GRID2IP: variants seen among roughly 807,000 people sequenced by gnomAD.
GRID2IP encodes Grid2 interacting protein.
Under a neutral mutation model 114.3 loss-of-function variants are expected in GRID2IP, and 78 were observed. That is an observed-to-expected ratio of 0.68 (90% confidence interval 0.57 to 0.82). The LOEUF (loss-of-function observed/expected upper bound fraction) is 0.82, where lower values mean the gene tolerates loss of function less well. GRID2IP is among the 40% of genes least tolerant of loss of function. The pLI is 0.00. For synonymous variants in GRID2IP, 809 were observed against 724.0 expected (o/e 1.12, Z -1.89); for missense variants, 1,727 against 1,678.5 (o/e 1.03, Z -0.51).
intron 1 of GRID2IP, among the ~76,000 whole-genome samples, chr7:6,549,608 A>C (rs1445433071): frequency 1.3e-5 from 2 of 151,874 alleles, no homozygotes; most frequent in African/African-American, 2.4e-5. Context: ...ATTCTTTTAC[A>C]TTTTTTTGGA....
At chr7:6,550,905 A>G (rs1779963233) in intron 1 of GRID2IP, 103 bp downstream of exon 1, 2 of 1,168,624 alleles carry the variant, frequency 1.7e-6, no homozygotes, top group East Asian at 3.6e-5. Context: ...TGACCCCAGA[A>G]GTTTCCTTAC....
intron 8 of GRID2IP, 24 bp downstream of exon 8, chr7:6,514,347 GGGAA>G (rs1471198203): frequency 6.8e-7 from 1 of 1,472,332 alleles, no homozygotes; most frequent in African/African-American, 1.4e-5. Flanking sequence ...GCTGCAGGCA[GGGAA>G]GTGGCAGGGG....
chr7:6,503,338 T>C (rs1786472098), intron 16 of GRID2IP, among the ~76,000 whole-genome samples, 153 bp downstream of exon 16: 2 of 152,200 alleles, frequency 1.3e-5, no homozygotes, highest in African/African-American at 4.8e-5. Flanking sequence ...GGACCCCTGA[T>C]AGGACCCGGC....
At chr7:6,514,281 C>G in intron 8 of GRID2IP, 94 bp downstream of exon 8, 2 of 1,151,120 alleles carry the variant, frequency 1.7e-6, no homozygotes. Flanking sequence ...AAACAAACAC[C>G]TTCACATGTG....
intron 1 of GRID2IP, among the ~76,000 whole-genome samples, chr7:6,546,511 G>A (rs991281333): frequency 6.6e-6 from 1 of 150,402 alleles, no homozygotes; most frequent in Non-Finnish European, 1.5e-5. Flanking sequence ...GGAGGTTGCA[G>A]TGAGCCAAGA....
intron 15 of GRID2IP, among the ~76,000 whole-genome samples, chr7:6,503,937 G>C (rs1224969012): frequency 6.6e-6 from 1 of 151,606 alleles, no homozygotes; most frequent in Admixed American, 6.6e-5. Flanking sequence ...AAAAAGGAAA[G>C]GGGGCGGGGC....
At chr7:6,517,179 C>G (rs1402242941) in intron 7 of GRID2IP, among the ~76,000 whole-genome samples, 1 of 151,866 alleles carries the variant, frequency 6.6e-6, no homozygotes, top group South Asian at 2.1e-4. Flanking sequence ...CTCAGCCTCC[C>G]GAGTAGCTGG....
At chr7:6,540,109 C>T (rs1253905823) in intron 1 of GRID2IP, among the ~76,000 whole-genome samples, 1 of 149,138 alleles carries the variant, frequency 6.7e-6, no homozygotes, top group Non-Finnish European at 1.5e-5. Context: ...CTCCCCTCCC[C>T]TCCCTTCCCT....
chr7:6,550,614 C>A (rs1181031665), intron 1 of GRID2IP, among the ~76,000 whole-genome samples: 1 of 144,936 alleles, frequency 6.9e-6, no homozygotes, highest in East Asian at 2.0e-4. Flanking sequence ...AGTTTGAGAC[C>A]AGACTGACCA....
Position 6,520,412 on chromosome 7 carries a change from T to A in GRID2IP, c.1268+166A>T, listed in dbSNP as rs1189120093. On this transcript the variant is annotated intron_variant, in intron 7 of 21. Transcript: ENST00000457091. This position sits in a 1 kb window ranked among gnomAD's most constrained non-coding sequence, Gnocchi z 4.6. ...GAGTCAGAGATTGTTCCAGGGCAGC[T>A]CAATTGCCCACCACCCTGGGGCCCC... Among the ~76,000 whole-genome samples the A allele has an allele frequency of 1.3e-5, 2 of 152,114 alleles. No homozygotes were observed. The highest frequency in any genetic ancestry group is 2.9e-5 in the Non-Finnish European group (2 of 68,024).
In GRID2IP at chr7:6,526,695, C is replaced by G. The variant is rs1366390616; in HGVS notation, c.659G>C (p.Arg220Pro). The change falls in exon 3 of 22, where the codon CGC becomes CCC. Residue 220 changes from arginine to proline, a missense_variant. By Grantham distance (103) the Arg-to-Pro change is moderately radical. Coordinates refer to ENST00000457091, the MANE Select transcript of GRID2IP (RefSeq NM_001145118.2). This position sits in a 1 kb window ranked among gnomAD's most constrained non-coding sequence, Gnocchi z 7.6. ...VSQGLLGKLC[R>P]ARRAQGAQRL... is the part of the protein sequence containing the mutation. The stretch of plus-strand genomic sequence containing the variant: ...CTGCGCGCCCTGGGCCCGGCGTGCG[C>G]GGCACAGCTTGCCCAGGAGGCCCTG... The G allele has an allele frequency of 2.0e-6, 3 of 1,498,900 alleles. No individual in the cohort carries two copies. The highest frequency in any genetic ancestry group is 1.8e-6 in the Non-Finnish European group (2 of 1,125,788). 92.9% of individuals were successfully genotyped at this position (1,498,900 alleles called of 1,614,324 possible).
At chr7:6,544,513 C>T (rs1583355273) in intron 1 of GRID2IP, among the ~76,000 whole-genome samples, 1 of 151,874 alleles carries the variant, frequency 6.6e-6, no homozygotes, top group South Asian at 2.1e-4. Flanking sequence ...CTCCTGACCT[C>T]AGGTGATCCA....
Position 6,509,302 on chromosome 7 carries a change from G to C in GRID2IP, c.1783C>G (p.Leu595Val). 6.6e-7 allele frequency: 1 copy of C among 1,518,864 alleles called. No individual in the cohort carries two copies. The highest frequency in any genetic ancestry group is 8.8e-7 in the Non-Finnish European group (1 of 1,131,288). The allele number at this position is 1,518,864 out of a possible 1,614,324, so 94.1% of individuals were successfully genotyped here. A position where few individuals can be genotyped will look rare whatever the true frequency, so the allele number is the denominator to read the frequency against. The stretch of plus-strand genomic sequence containing the variant: ...TCGCTGGGCCATGAGACGCCGGACA[G>C]GGTCCTGGGCCCTGGAGGAGGGATG... ...SPAVTTGPRT[L>V]SGVSWPSERL... Residue 595 changes from leucine to valine, a missense_variant, in exon 12 of 22, where the codon CTG becomes GTG. Leu to Val is a conservative substitution (Grantham distance 32, BLOSUM62 1). Coordinates refer to ENST00000457091, the MANE Select transcript of GRID2IP (RefSeq NM_001145118.2). The surrounding 1 kb of genome is among the most constrained non-coding windows in gnomAD (Gnocchi z 4.9).
At chr7:6,545,689 T>A (rs557354346) in intron 1 of GRID2IP, among the ~76,000 whole-genome samples, 1 of 152,188 alleles carries the variant, frequency 6.6e-6, no homozygotes, top group Non-Finnish European at 1.5e-5. Flanking sequence ...GTCTCATGCT[T>A]GTCCAGCCCC....
In GRID2IP at chr7:6,551,396, G is replaced by A. The variant is rs1257238024; in HGVS notation, c.41C>T (p.Pro14Leu). The A allele has an allele frequency of 1.3e-6, 2 of 1,547,606 alleles. No individual in the cohort carries two copies. The highest frequency in any genetic ancestry group is 8.7e-7 in the Non-Finnish European group (1 of 1,145,664). The stretch of plus-strand genomic sequence containing the variant: ...ACCTAGCCGGAAGCCAAAGTCCTCT[G>A]GCCAGCCCTGGTTCGTGGCCGGCGT... Reference protein sequence around the residue: ...TATPATNQGWPEDFGFRLGGS... With the variant: ...TATPATNQGWLEDFGFRLGGS... The change falls in exon 1 of 22, where the codon CCA (proline) becomes CTA (leucine). Residue 14 changes from proline (P) to leucine (L), a missense_variant. Coordinates refer to ENST00000457091, the MANE Select transcript of GRID2IP (RefSeq NM_001145118.2).
chr7:6,541,690 G>A (rs1779817438), intron 1 of GRID2IP, among the ~76,000 whole-genome samples: 1 of 152,142 alleles, frequency 6.6e-6, no homozygotes, highest in Non-Finnish European at 1.5e-5. Flanking sequence ...GTGTGCAAAT[G>A]GGCACATTGG....
chr7:6,535,833 G>A (rs966059082), intron 2 of GRID2IP, among the ~76,000 whole-genome samples: 2 of 152,092 alleles, frequency 1.3e-5, no homozygotes, highest in Admixed American at 6.6e-5. Context: ...AGGCCAGGGC[G>A]GCACTGCCCT....
intron 1 of GRID2IP, 75 bp downstream of exon 1, chr7:6,550,933 C>T (rs372619437): frequency 4.2e-6 from 5 of 1,190,678 alleles, no homozygotes; most frequent in South Asian, 4.2e-5. Context: ...CCTGGGAGAG[C>T]GGCGCCCGGC....
intron 2 of GRID2IP, among the ~76,000 whole-genome samples, chr7:6,538,919 AG>A (rs1779771535): frequency 6.6e-6 from 1 of 152,042 alleles, no homozygotes; most frequent in Non-Finnish European, 1.5e-5. Context: ...GAGAGAGAGA[AG>A]AAAGGAAAGA....
Sources: allele counts gnomAD v4.1 joint callset (sites outside exome capture counted in the v4.1 genomes callset), GRCh38; gene constraint gnomAD v4.1.1; non-coding constraint Gnocchi (gnomAD v3.1); transcripts MANE v1.5; gene names NCBI Gene and HGNC (gene_info 2026-07-23, HGNC 2026-07-21).